Variants in SHANK2 observed in about 807,000 individuals in gnomAD.
SHANK2 encodes the protein SH3 and multiple ankyrin repeat domains protein 2.
In SHANK2, 43 loss-of-function variants were observed where a neutral mutation model predicts 133.7. That is an observed-to-expected ratio of 0.32 (90% CI 0.25 to 0.41). The LOEUF is 0.41. Among genes scored for constraint, SHANK2 ranks in the 10% least tolerant of loss-of-function variants. The probability of loss-of-function intolerance (pLI) is 1.00; values close to 1 mark genes in which losing one functional copy is unlikely to be tolerated. For synonymous variants in SHANK2, 1,017 were observed against 952.8 expected, an observed-to-expected ratio of 1.07 and a Z score of -1.24; for missense variants, 1,994 against 2,235.8, an observed-to-expected ratio of 0.89 and a Z score of 2.18.
chr11:71,198,553 T>C (rs4512882), intron 2 of SHANK2, among the ~76,000 whole-genome samples: 59,883 of 151,888 alleles, frequency 0.39, 15,561 homozygotes, highest in African/African-American at 0.72. Flanking sequence ...CACTACCACA[T>C]CGTGAGTCCA....
rs541433756 is a variant in SHANK2, at chr11:70,813,268, G to C, written c.1494-6097C>G. Reference sequence around the variant, plus strand: ...GCCTACCCACAAAAGGCTACAAGAGGGGACAGCTGGGTAGTGCAGAGAGAA... The same window carrying C: ...GCCTACCCACAAAAGGCTACAAGAGCGGACAGCTGGGTAGTGCAGAGAGAA... On this transcript the variant is annotated intron_variant, in intron 12 of 25. Coordinates refer to ENST00000601538, the MANE Select transcript of SHANK2 (RefSeq NM_012309.5). Among the ~76,000 whole-genome samples, 15 of 152,264 alleles carry C rather than the reference G, an allele frequency of 9.9e-5. No homozygotes were observed. In the East Asian group the frequency reaches 2.9e-3, roughly 30 times the overall value.
chr11:71,159,705 C>T (rs561864564), intron 2 of SHANK2, among the ~76,000 whole-genome samples: 3 of 152,256 alleles, frequency 2.0e-5, no homozygotes, highest in South Asian at 2.1e-4. Context: ...CACCTCAGGC[C>T]GGGCATGGTG....
At chr11:71,171,943 C>T (rs904683444) in intron 2 of SHANK2, among the ~76,000 whole-genome samples, 14 of 150,866 alleles carry the variant, frequency 9.3e-5, no homozygotes, top group Middle Eastern at 6.8e-3. Flanking sequence ...AGTCCACACG[C>T]CTGGGAAGGC....
intron 14 of SHANK2, among the ~76,000 whole-genome samples, chr11:70,789,856 C>G (rs1413202918): frequency 6.6e-6 from 1 of 152,200 alleles, no homozygotes; most frequent in African/African-American, 2.4e-5. Context: ...ATTTTCTCAT[C>G]ATGTTCTACA....
At chr11:70,586,017 C>T (rs78381871) in intron 17 of SHANK2, among the ~76,000 whole-genome samples, 440 of 152,244 alleles carry the variant, frequency 2.9e-3, no homozygotes, top group Non-Finnish European at 5.0e-3. Flanking sequence ...GGAAAAAGAC[C>T]GATTCAACCC....
At chr11:70,699,331 C>T (rs1379717504) in intron 14 of SHANK2, among the ~76,000 whole-genome samples, 1 of 150,866 alleles carries the variant, frequency 6.6e-6, no homozygotes, top group East Asian at 1.9e-4. Flanking sequence ...CAGATTGAGA[C>T]ATAAATTTCA....
At position 70,599,937 on chromosome 11, in the gene SHANK2, A is replaced by T. The variant is rs189249922; in HGVS notation, c.2061+59891T>A. Among the ~76,000 whole-genome samples, 342 of 101,834 alleles carry T rather than the reference A, an allele frequency of 3.4e-3. 14 individuals are homozygous for T. The highest frequency in any genetic ancestry group is 0.015 in the Middle Eastern group (3 of 206). 66.8% of individuals were successfully genotyped at this position (101,834 alleles called of 152,430 possible). ...AAAGAAAGAAAGAAAGAAAGAAAGA[A>T]AGAAAGAAAGAAAGAAAGAAAGAAA... On this transcript the variant is annotated intron_variant, in intron 17 of 25. Coordinates refer to ENST00000601538, the MANE Select transcript of SHANK2 (RefSeq NM_012309.5).
chr11:70,490,267 A>G lies in SHANK2; in HGVS notation c.2551+9T>C. On this transcript the variant is annotated intron_variant, in intron 23 of 25. Transcript: ENST00000601538. ...GGCAACTTCTGTGGGGGAGTGCCAC[A>G]CTTCTTACCTATTGATTTCTGCCTT... is the stretch of plus-strand genomic sequence containing the variant. The G allele has an allele frequency of 1.9e-6, 3 of 1,610,776 alleles. No homozygotes were observed. Among genetic ancestry groups the G allele is most frequent in the Non-Finnish European group, 2.5e-6 (3 of 1,176,944 alleles).
At chr11:70,489,888 T>C (rs1309141924) in intron 23 of SHANK2, 1 of 313,380 alleles carries the variant, frequency 3.2e-6, no homozygotes, top group African/African-American at 2.1e-5. Context: ...CCAGGCCTGG[T>C]GGTGGCTGGG....
intron 5 of SHANK2, among the ~76,000 whole-genome samples, chr11:71,111,686 C>T (rs1312472744): frequency 8.5e-5 from 13 of 152,226 alleles, no homozygotes; most frequent in African/African-American, 3.1e-4. Context: ...GCTAGATTTC[C>T]ACCTGCCCAT....
At chr11:70,821,198 G>A (rs1948513967) in intron 11 of SHANK2, among the ~76,000 whole-genome samples, 1 of 152,162 alleles carries the variant, frequency 6.6e-6, no homozygotes, top group African/African-American at 2.4e-5. Context: ...AGATCATCTG[G>A]GTGGAGGGCC....
rs71049962 is a variant in SHANK2, at chr11:71,210,210, GTATATATATATATATA to G, written c.-13+14471_-13+14486del. On this transcript the variant is annotated intron_variant, in intron 2 of 25. Coordinates refer to ENST00000601538, the MANE Select transcript of SHANK2 (RefSeq NM_012309.5). ...GGTCCTCTTCATTGGAAATCCACAG[GTATATATATATATATA>G]TATATATATATATATATATATATAT... Among the ~76,000 whole-genome samples the G allele has an allele frequency of 1.3e-3, 69 of 54,066 alleles. 1 individual carries two copies. Among genetic ancestry groups the G allele is most frequent in the African/African-American group, 2.7e-3 (32 of 11,802 alleles). 35.5% of individuals were successfully genotyped at this position (54,066 alleles called of 152,430 possible). A position where few individuals can be genotyped will look rare whatever the true frequency, so the allele number is the denominator to read the frequency against.
intron 2 of SHANK2, among the ~76,000 whole-genome samples, chr11:71,210,000 T>C (rs543895012): frequency 3.7e-4 from 56 of 151,564 alleles, no homozygotes; most frequent in African/African-American, 1.4e-3. Context: ...TGCTGAGGCA[T>C]CCATTCTTCA....
At chr11:70,552,550 C>T (rs972133298) in intron 17 of SHANK2, among the ~76,000 whole-genome samples, 2 of 152,220 alleles carry the variant, frequency 1.3e-5, no homozygotes, top group Non-Finnish European at 2.9e-5. Context: ...TCCAGGCATT[C>T]GTCTATGAAG....
chr11:71,094,741 C>T (rs1951577797), intron 6 of SHANK2, 53 bp from the exon 7 acceptor site: 1 of 1,528,504 alleles, frequency 6.5e-7, no homozygotes, highest in Admixed American at 2.0e-5. Flanking sequence ...ACACTGCTCA[C>T]AAAGCCATAT....
At chr11:70,918,563 C>T (rs7118440) in intron 10 of SHANK2, among the ~76,000 whole-genome samples, 148,517 of 152,278 alleles carry the variant, frequency 0.98, 72,542 homozygotes, top group East Asian at 1. Flanking sequence ...TGGAATGCAG[C>T]GGAGCAATCT....
At chr11:71,081,709 T>G (rs1951303500) in intron 8 of SHANK2, among the ~76,000 whole-genome samples, 1 of 152,234 alleles carries the variant, frequency 6.6e-6, no homozygotes, top group East Asian at 1.9e-4. Context: ...CTCTTCCTTC[T>G]CCAAACAGAA....
chr11:71,191,419 C>G (rs963530816), intron 2 of SHANK2, among the ~76,000 whole-genome samples: 3 of 152,064 alleles, frequency 2.0e-5, no homozygotes, highest in Non-Finnish European at 4.4e-5. Context: ...CTGGGTCCTC[C>G]TGAGGCCTCT....
chr11:71,130,175 A>G (rs4944083), intron 3 of SHANK2, among the ~76,000 whole-genome samples: 104,890 of 152,120 alleles, frequency 0.69, 36,352 homozygotes, highest in South Asian at 0.73. Context: ...GACTTCATTC[A>G]ATATAGAAAT....
Sources: allele counts gnomAD v4.1 joint callset (sites outside exome capture counted in the v4.1 genomes callset), GRCh38; gene constraint gnomAD v4.1.1; transcripts MANE v1.5; gene names NCBI Gene and HGNC (gene_info 2026-07-23, HGNC 2026-07-21).